The following ALG12 variants were observed in gnomAD, a reference collection of about 807,000 sequenced individuals.
The protein encoded by ALG12 is ALG12 alpha-1,6-mannosyltransferase.
Under a neutral mutation model 46.0 loss-of-function variants are expected in ALG12, and 36 were observed. The ratio of observed to expected loss-of-function variants is 0.78; its 90% CI spans 0.60 to 1.03. ALG12 has a LOEUF of 1.03. Ranked by LOEUF, ALG12 falls within the 50% of genes least tolerant of loss-of-function variation. The pLI is 0.00. For missense variants in ALG12, 599 were observed against 633.5 expected (o/e 0.95, Z 0.58); for synonymous variants, 326 against 291.6 (o/e 1.12, Z -1.20).
At chr22:49,910,831 C>T (rs1014850369) in intron 3 of ALG12, among the ~76,000 whole-genome samples, 1 of 152,236 alleles carries the variant, frequency 6.6e-6, no homozygotes, top group Non-Finnish European at 1.5e-5. Context: ...AACTGAGGAC[C>T]CTTGCGGGGG....
At chr22:49,911,529 G>A (rs1450603166) in intron 3 of ALG12, among the ~76,000 whole-genome samples, 1 of 152,114 alleles carries the variant, frequency 6.6e-6, no homozygotes, top group Non-Finnish European at 1.5e-5. Context: ...CTGCCTTCCG[G>A]GTTCAAGCAA....
downstream of ALG12, among the ~76,000 whole-genome samples, chr22:49,895,655 AAT>A (rs911092773): frequency 7.1e-6 from 1 of 141,504 alleles, no homozygotes; most frequent in African/African-American, 3.0e-5. Flanking sequence ...CCATCTCAAA[AAT>A]AAAAAAAAAA....
At chr22:49,898,354 C>T (rs2060491799), downstream of ALG12, among the ~76,000 whole-genome samples, 1 of 151,870 alleles carries the variant, frequency 6.6e-6, no homozygotes, top group Non-Finnish European at 1.5e-5. Flanking sequence ...ATATTTTCTC[C>T]CAGTTTGTGG....
the ALG12 span, among the ~76,000 whole-genome samples, chr22:49,864,820 C>CAAAAAAA: frequency 1.3e-4 from 9 of 66,966 alleles, no homozygotes; most frequent in African/African-American, 4.0e-4. Context: ...ACCCTGTCTC[C>CAAAAAAA]AAAAAAAAAA....
the ALG12 span, chr22:49,887,328 G>T: frequency 2.5e-6 from 2 of 789,528 alleles, no homozygotes; most frequent in Non-Finnish European, 3.9e-6. Flanking sequence ...GTGTCTCCAC[G>T]TGCCTTACCC....
At chr22:49,861,001 T>TCTC in the ALG12 span, among the ~76,000 whole-genome samples, 114,512 of 150,944 alleles carry the variant, frequency 0.76, 45,437 homozygotes, top group East Asian at 0.91. Context: ...CTGGTCTCGA[T>TCTC]CTGAGCTCAG....
chr22:49,910,809 GCTC>G (rs2060572546), intron 3 of ALG12, among the ~76,000 whole-genome samples: 1 of 152,242 alleles, frequency 6.6e-6, no homozygotes, highest in Admixed American at 6.5e-5. Flanking sequence ...GGCCCCCTGC[GCTC>G]CTGTCGGGAA....
chr22:49,911,575 T>C (rs962104261), intron 3 of ALG12, among the ~76,000 whole-genome samples: 1 of 152,148 alleles, frequency 6.6e-6, no homozygotes, highest in East Asian at 1.9e-4. Context: ...GCTGGGATTA[T>C]AGGCGCATGC....
chr22:49,861,460 G>A, the ALG12 span, among the ~76,000 whole-genome samples: 15 of 152,216 alleles, frequency 9.9e-5, no homozygotes, highest in South Asian at 4.1e-4. Context: ...TTGAGATAGC[G>A]TCTGGCTCTG....
the ALG12 span, among the ~76,000 whole-genome samples, chr22:49,876,061 AGT>A: frequency 6.6e-6 from 1 of 152,118 alleles, no homozygotes; most frequent in African/African-American, 2.4e-5. Context: ...GTAATATAAA[AGT>A]GTTATTTATT....
At chr22:49,871,705 G>C in the ALG12 span, among the ~76,000 whole-genome samples, 1 of 151,920 alleles carries the variant, frequency 6.6e-6, no homozygotes, top group Non-Finnish European at 1.5e-5. Context: ...TGACCAATCA[G>C]AGTGCAGATT....
the ALG12 span, among the ~76,000 whole-genome samples, chr22:49,872,858 G>A: frequency 9.2e-5 from 14 of 152,076 alleles, no homozygotes; most frequent in African/African-American, 2.6e-4. Flanking sequence ...GGCACCTGCC[G>A]GCTAATTTTT....
At chr22:49,912,201 T>C (rs560953453) in intron 3 of ALG12, among the ~76,000 whole-genome samples, 24 of 151,768 alleles carry the variant, frequency 1.6e-4, no homozygotes, top group African/African-American at 5.4e-4. Flanking sequence ...GGAAGGATTT[T>C]GGCCTGTGGC....
downstream of ALG12, among the ~76,000 whole-genome samples, chr22:49,896,704 C>G (rs917514067): frequency 7.2e-5 from 11 of 152,190 alleles, no homozygotes; most frequent in Non-Finnish European, 1.2e-4. Flanking sequence ...GGCGTGATCT[C>G]AGCTCACTGC....
chr22:49,913,937 C>T, intron 1 of ALG12, 94 bp from the exon 2 acceptor site: 1 of 783,430 alleles, frequency 1.3e-6, no homozygotes, highest in Non-Finnish European at 2.1e-6. Context: ...ATTCTCTGAA[C>T]TACTGTCTTA....
chr22:49,885,567 A>G, the ALG12 span: 9 of 1,603,570 alleles, frequency 5.6e-6, no homozygotes, highest in Admixed American at 1.7e-5. Flanking sequence ...GCACAGAATT[A>G]TCAGGCGCTT....
Position 49,905,972 on chromosome 22 carries a change from A to C in ALG12, c.993-1466T>G, listed in dbSNP as rs1033022100. On this transcript the variant is annotated intron_variant, in intron 7 of 9. Transcript: ENST00000330817. The surrounding 1 kb of genome is among the most constrained non-coding windows in gnomAD (Gnocchi z 4.9). ...TCGCAATCAGAAACCTTCCACCCCC[A>C]GGACTGTCTCAAGGCCCTGGGCCCT... Among the ~76,000 whole-genome samples the C allele has an allele frequency of 6.6e-6, 1 of 152,070 alleles. No individual in the cohort carries two copies. The highest frequency in any genetic ancestry group is 1.5e-5 in the Non-Finnish European group (1 of 68,000).
the ALG12 span, chr22:49,885,868 A>G: frequency 1.5e-6 from 2 of 1,338,330 alleles, no homozygotes; most frequent in East Asian, 4.6e-5. Flanking sequence ...TGGAATATGG[A>G]TGAGTAACCA....
At chr22:49,873,263 C>T in the ALG12 span, among the ~76,000 whole-genome samples, 5 of 152,214 alleles carry the variant, frequency 3.3e-5, no homozygotes, top group African/African-American at 9.7e-5. Flanking sequence ...AAATGAGAGA[C>T]GTGATACTTC....
Sources: allele counts gnomAD v4.1 joint callset (sites outside exome capture counted in the v4.1 genomes callset), GRCh38; gene constraint gnomAD v4.1.1; non-coding constraint Gnocchi (gnomAD v3.1); transcripts MANE v1.5; gene names NCBI Gene and HGNC (gene_info 2026-07-23, HGNC 2026-07-21).